Variants in PCDHGB2 observed in about 807,000 individuals in gnomAD.
PCDHGB2 encodes protocadherin gamma subfamily B, 2.
A neutral mutation model predicts 59.3 loss-of-function variants in PCDHGB2; 55 were observed. The ratio of observed to expected loss-of-function variants is 0.93; its 90% CI spans 0.75 to 1.16. PCDHGB2 has a LOEUF of 1.16. Among genes scored for constraint, PCDHGB2 ranks in the 50% most tolerant of loss-of-function variants. The probability of loss-of-function intolerance (pLI) is 0.00; values close to 1 mark genes in which losing one functional copy is unlikely to be tolerated. For missense variants in PCDHGB2, 1,228 were observed against 1,198.5 expected (o/e 1.02, Z -0.36); for synonymous variants, 516 against 512.0 (o/e 1.01, Z -0.11).
At chr5:141,405,505 C>T (rs573282216) in intron 1 of PCDHGB2, 22 of 751,126 alleles carry the variant, frequency 2.9e-5, no homozygotes, top group Admixed American at 1.7e-4. Flanking sequence ...TTGCAACCTC[C>T]GCCTCCCAAA....
rs11575965 is a variant in PCDHGB2 at position 141,430,679 on chromosome 5, T to C, written c.2422-64128T>C. 6,478 of 1,333,262 alleles carry C rather than the reference T, an allele frequency of 4.9e-3. 34 individuals carry two copies. Among genetic ancestry groups the C allele is most frequent in the Admixed American group, 9.3e-3 (354 of 37,978 alleles). 82.6% of individuals were successfully genotyped at this position (1,333,262 alleles called of 1,614,324 possible). ...CGGAGGAGCTCTGACTTCCCAACTG[T>C]CCCATTCTATGGGCGAAGGAACTGC... On this transcript the variant is annotated intron_variant, in intron 1 of 3. Coordinates refer to ENST00000522605, the MANE Select transcript of PCDHGB2 (RefSeq NM_018923.3).
rs2099621975 is a variant in PCDHGB2 at position 141,485,946 on chromosome 5, G to A, written c.2422-8861G>A. ...AGTGTGTTGGAGAGCGCACCAGCGG[G>A]CATGGTGCTCATCCAGCTCAATGCC... On this transcript the variant is annotated intron_variant, in intron 1 of 3. Transcript: ENST00000522605. This position sits in a 1 kb window ranked among gnomAD's most constrained non-coding sequence, Gnocchi z 5.7. The A allele has an allele frequency of 1.2e-6, 2 of 1,614,040 alleles. No homozygotes were observed. The highest frequency in any genetic ancestry group is 2.2e-5 in the East Asian group (1 of 44,884).
intron 1 of PCDHGB2, chr5:141,398,887 A>T: frequency 6.2e-7 from 1 of 1,613,976 alleles, no homozygotes; most frequent in Non-Finnish European, 8.5e-7. Context: ...CCTTCGGGAA[A>T]ACGTGCCACC....
At chr5:141,437,589 T>C (rs929281293) in intron 1 of PCDHGB2, among the ~76,000 whole-genome samples, 10 of 152,306 alleles carry the variant, frequency 6.6e-5, no homozygotes, top group African/African-American at 2.2e-4. Flanking sequence ...ATGAATTGGA[T>C]AGTTCTGGTG....
chr5:141,436,140 A>G (rs1324666699), intron 1 of PCDHGB2, among the ~76,000 whole-genome samples: 2 of 152,224 alleles, frequency 1.3e-5, no homozygotes, highest in Non-Finnish European at 2.9e-5. Flanking sequence ...TCTTGTATGA[A>G]CTACCAAAAT....
intron 1 of PCDHGB2, chr5:141,372,083 G>T (rs1381793721): frequency 6.2e-7 from 1 of 1,613,756 alleles, no homozygotes. Context: ...CGCTGGTGCT[G>T]TACCCAGCTC....
At chr5:141,399,532 C>G (rs552966531) in intron 1 of PCDHGB2, 28 of 1,614,066 alleles carry the variant, frequency 1.7e-5, no homozygotes, top group Non-Finnish European at 2.2e-5. Flanking sequence ...CTCCATCGCG[C>G]AAGTCTGCGC....
At chr5:141,364,800 C>T in intron 1 of PCDHGB2, 1 of 1,613,952 alleles carries the variant, frequency 6.2e-7, no homozygotes, top group Non-Finnish European at 8.5e-7. Context: ...CTTCCCTTCG[C>T]GCGGGATGCG....
At chr5:141,451,185 T>C (rs900513875) in intron 1 of PCDHGB2, among the ~76,000 whole-genome samples, 1 of 152,182 alleles carries the variant, frequency 6.6e-6, no homozygotes, top group Non-Finnish European at 1.5e-5. Context: ...GCCATTGCTG[T>C]GTAACAAATT....
At position 141,409,469 on chromosome 5, in the gene PCDHGB2, G is replaced by A. The variant is rs1477896340; in HGVS notation, c.2421+46913G>A. On this transcript the variant is annotated intron_variant, in intron 1 of 3. Coordinates refer to ENST00000522605, the MANE Select transcript of PCDHGB2 (RefSeq NM_018923.3). ...GACACCAGAATACAATGTCACCATC[G>A]TAGCCACTGACAGGGGCAAGCCGCC... 9 of 1,613,740 alleles carry A rather than the reference G, an allele frequency of 5.6e-6. No individual in the cohort carries two copies. The African/African-American group carries it at 1.1e-4, about 19-fold the overall frequency.
At chr5:141,390,064 C>A in intron 1 of PCDHGB2, 3 of 1,614,058 alleles carry the variant, frequency 1.9e-6, no homozygotes, top group Middle Eastern at 3.3e-4. Context: ...TGCTTCCAGC[C>A]TGGTCTCTGT....
chr5:141,381,965 G>C (rs571350764), intron 1 of PCDHGB2, among the ~76,000 whole-genome samples: 96 of 151,186 alleles, frequency 6.3e-4, no homozygotes, highest in African/African-American at 2.2e-3. Flanking sequence ...GAGTAGCTGG[G>C]ATTACAGGCG....
chr5:141,468,229 G>A (rs1363462610), intron 1 of PCDHGB2, among the ~76,000 whole-genome samples: 4 of 150,884 alleles, frequency 2.7e-5, no homozygotes, highest in Non-Finnish European at 5.9e-5. Flanking sequence ...GGAGGATGAG[G>A]TAGGAGAATT....
rs1427881816 is a variant in PCDHGB2 at position 141,486,740 on chromosome 5, T to C, written c.2422-8067T>C. ...AGGAGCTGTTCATGCTACTCGATCC[T>C]TTGACTATGAGCAAACCCAGACACT... On this transcript the variant is annotated intron_variant, in intron 1 of 3. Coordinates refer to ENST00000522605, the MANE Select transcript of PCDHGB2 (RefSeq NM_018923.3). The surrounding 1 kb of genome is among the most constrained non-coding windows in gnomAD (Gnocchi z 5.0). 6.2e-7 allele frequency: 1 copy of C among 1,614,234 alleles called. No homozygotes were observed. Among genetic ancestry groups the C allele is most frequent in the Admixed American group, 1.7e-5 (1 of 60,026 alleles).
chr5:141,411,079 T>C (rs1178503371), intron 1 of PCDHGB2: 2 of 154,384 alleles, frequency 1.3e-5, no homozygotes, highest in African/African-American at 2.4e-5. Flanking sequence ...CAGAAACTCC[T>C]GTCCTCGTGA....
In PCDHGB2 at chr5:141,482,843, G is replaced by T. The variant is rs1005014887; in HGVS notation, c.2422-11964G>T. On this transcript the variant is annotated intron_variant, in intron 1 of 3. Transcript: ENST00000522605. ...TCCTAGCACTTTGGGAGGCCAAGGT[G>T]GGCAGATCACTTGAGGTCAGGAGTT... Among the ~76,000 whole-genome samples the T allele has an allele frequency of 4.3e-5, 6 of 140,152 alleles. No homozygotes were observed. The South Asian group carries it at 8.6e-4, about 20-fold the overall frequency. 91.9% of individuals were successfully genotyped at this position (140,152 alleles called of 152,430 possible).
Position 141,485,959 on chromosome 5 carries a change from C to A in PCDHGB2, c.2422-8848C>A, listed in dbSNP as rs758835557. The A allele has an allele frequency of 6.2e-7, 1 of 1,614,160 alleles. No homozygotes were observed. The highest frequency in any genetic ancestry group is 1.3e-5 in the African/African-American group (1 of 75,054). Reference sequence around the variant, plus strand: ...GCGCACCAGCGGGCATGGTGCTCATCCAGCTCAATGCCTCAGACCCGGACC... The same window carrying A: ...GCGCACCAGCGGGCATGGTGCTCATACAGCTCAATGCCTCAGACCCGGACC... On this transcript the variant is annotated intron_variant, in intron 1 of 3. Coordinates refer to ENST00000522605, the MANE Select transcript of PCDHGB2 (RefSeq NM_018923.3). The surrounding 1 kb of genome is among the most constrained non-coding windows in gnomAD (Gnocchi z 5.7).
chr5:141,393,073 C>T, intron 1 of PCDHGB2: 1 of 1,613,658 alleles, frequency 6.2e-7, no homozygotes. Context: ...TTGATCACCG[C>T]GGGCAGGATA....
intron 1 of PCDHGB2, chr5:141,413,935 A>G: frequency 1.2e-6 from 2 of 1,613,372 alleles, no homozygotes; most frequent in Non-Finnish European, 1.7e-6. Flanking sequence ...ATACCGAGTG[A>G]GTGTTCCTGA....
Sources: allele counts gnomAD v4.1 joint callset (sites outside exome capture counted in the v4.1 genomes callset), GRCh38; gene constraint gnomAD v4.1.1; non-coding constraint Gnocchi (gnomAD v3.1); transcripts MANE v1.5; gene names NCBI Gene and HGNC (gene_info 2026-07-23, HGNC 2026-07-21).